Variants in LSAMP observed in about 807,000 individuals in gnomAD.
LSAMP encodes limbic system-associated membrane protein.
A neutral mutation model predicts 38.6 loss-of-function variants in LSAMP; 7 were observed. The ratio of observed to expected loss-of-function variants is 0.18; its 90% confidence interval spans 0.10 to 0.34. LSAMP has a LOEUF of 0.34. Among genes scored for constraint, LSAMP ranks in the 10% least tolerant of loss-of-function variants. The pLI is 1.00. For synonymous variants in LSAMP, 154 were observed against 166.8 expected (o/e 0.92, Z 0.59); for missense variants, 313 against 420.0 (o/e 0.75, Z 2.23).
chr3:116,320,213 G>A (rs1257968004), intron 1 of LSAMP, among the ~76,000 whole-genome samples: 1 of 152,070 alleles, frequency 6.6e-6, no homozygotes, highest in South Asian at 2.1e-4. Flanking sequence ...AGGAGTTCGA[G>A]ACCAGCCTGG....
chr3:116,354,400 C>G (rs1258897605), intron 1 of LSAMP, among the ~76,000 whole-genome samples: 3 of 152,174 alleles, frequency 2.0e-5, no homozygotes, highest in Non-Finnish European at 4.4e-5. Flanking sequence ...GTCATTTCAG[C>G]CTTCACTGTC....
chr3:116,065,993 C>T (rs1707418808), intron 2 of LSAMP, among the ~76,000 whole-genome samples: 1 of 152,160 alleles, frequency 6.6e-6, no homozygotes, highest in Admixed American at 6.5e-5. Context: ...GTGTTTGGAA[C>T]ATACAGTAGT....
At chr3:115,848,389 A>G (rs1193871477) in intron 4 of LSAMP, among the ~76,000 whole-genome samples, 2 of 152,176 alleles carry the variant, frequency 1.3e-5, no homozygotes, top group South Asian at 2.1e-4. Flanking sequence ...GGGCCACCGC[A>G]CTCCAGCCTG....
intron 1 of LSAMP, among the ~76,000 whole-genome samples, chr3:116,427,109 C>CTTTTTTT (rs758726064): frequency 8.4e-5 from 8 of 95,390 alleles, no homozygotes; most frequent in African/African-American, 1.5e-4. Context: ...CTCTTTCTTT[C>CTTTTTTT]TTTTTTTTTT....
intron 1 of LSAMP, among the ~76,000 whole-genome samples, chr3:116,201,187 G>T (rs554746638): frequency 1.3e-5 from 2 of 152,226 alleles, no homozygotes; most frequent in East Asian, 3.9e-4. Context: ...TCATTTGCAT[G>T]CATTGGCTCC....
chr3:116,391,525 G>A (rs2048697568), intron 1 of LSAMP, among the ~76,000 whole-genome samples: 1 of 152,198 alleles, frequency 6.6e-6, no homozygotes, highest in East Asian at 1.9e-4. Context: ...CCACCACAGT[G>A]GGGTTGGGTG....
intron 1 of LSAMP, among the ~76,000 whole-genome samples, chr3:116,297,743 A>G (rs2107701767): frequency 6.6e-6 from 1 of 152,336 alleles, no homozygotes; most frequent in Non-Finnish European, 1.5e-5. Flanking sequence ...ACTTTTCTGT[A>G]CATTGGTTTA....
intron 1 of LSAMP, among the ~76,000 whole-genome samples, chr3:116,354,387 C>A (rs570821537): frequency 6.6e-6 from 1 of 152,276 alleles, no homozygotes; most frequent in East Asian, 1.9e-4. Context: ...TAGTTCAGGC[C>A]TTGTCATTTC....
intron 1 of LSAMP, among the ~76,000 whole-genome samples, chr3:116,384,418 C>G (rs529079425): frequency 7.9e-5 from 12 of 152,248 alleles, no homozygotes; most frequent in Admixed American, 6.5e-4. Context: ...TGGCCTACAT[C>G]TCAGCCCAAT....
intron 1 of LSAMP, among the ~76,000 whole-genome samples, chr3:116,151,018 T>C (rs1351125162): frequency 6.6e-6 from 1 of 152,002 alleles, no homozygotes; most frequent in Non-Finnish European, 1.5e-5. Context: ...GAATCTCAGA[T>C]GAGGGAGGGG....
chr3:115,901,884 TAAA>T (rs995833281), intron 3 of LSAMP, among the ~76,000 whole-genome samples: 1 of 151,820 alleles, frequency 6.6e-6, no homozygotes, highest in African/African-American at 2.4e-5. Flanking sequence ...CATTCAGAAA[TAAA>T]AAAGCAAATA....
chr3:116,344,447 C>T (rs944882752), intron 1 of LSAMP, among the ~76,000 whole-genome samples: 3 of 152,054 alleles, frequency 2.0e-5, no homozygotes, highest in African/African-American at 7.2e-5. Context: ...TAATTGCATG[C>T]AAACTTGCAA....
intron 3 of LSAMP, among the ~76,000 whole-genome samples, chr3:115,989,170 T>C (rs1347237249): frequency 6.6e-6 from 1 of 151,784 alleles, no homozygotes; most frequent in Middle Eastern, 3.2e-3. Context: ...AAAGGAAAAA[T>C]AGAAAAGTGA....
rs2049496778 is a variant in LSAMP at position 116,445,310 on chromosome 3, C to G, written c.-279G>C. ...GCAAATAGCAAGCCCTCTGGAAGAG[C>G]TGAAGAGGAAGCCAAAGGAAAGGGT... On this transcript the variant is annotated 5_prime_UTR_variant, in exon 1 of 7. Transcript: ENST00000490035. The G allele has an allele frequency of 3.5e-6, 2 of 568,474 alleles. No homozygotes were observed. The highest frequency in any genetic ancestry group is 2.9e-5 in the East Asian group (1 of 34,270). 35.2% of individuals were successfully genotyped at this position (568,474 alleles called of 1,614,324 possible). A position where few individuals can be genotyped will look rare whatever the true frequency, so the allele number is the denominator to read the frequency against.
At position 115,956,825 on chromosome 3, in the gene LSAMP, T is replaced by C. The variant is rs573965159; in HGVS notation, c.514+62690A>G. On this transcript the variant is annotated intron_variant, in intron 3 of 6. Transcript: ENST00000490035. ...AGGATTTATTGTATATAACCTAGCATGTTAAGGTGTTCAAGGGTTTCTTGG... is the reference window on the plus strand; with the variant it reads ...AGGATTTATTGTATATAACCTAGCACGTTAAGGTGTTCAAGGGTTTCTTGG... 2.6e-5 allele frequency among the ~76,000 whole-genome samples: 4 copies of C among 152,288 alleles called. No homozygotes were observed. The East Asian group carries it at 7.7e-4, about 29-fold the overall frequency.
intron 3 of LSAMP, among the ~76,000 whole-genome samples, chr3:115,890,595 T>A (rs1936574238): frequency 6.6e-6 from 1 of 151,970 alleles, no homozygotes; most frequent in Non-Finnish European, 1.5e-5. Context: ...CTATCCATTC[T>A]TTCTTCTCTA....
intron 3 of LSAMP, among the ~76,000 whole-genome samples, chr3:115,930,431 C>T (rs576247119): frequency 2.0e-5 from 3 of 152,108 alleles, no homozygotes; most frequent in East Asian, 1.9e-4. Flanking sequence ...AGGTGGCTAA[C>T]GTGGCTAATT....
At chr3:115,874,743 G>A (rs1156698934) in intron 3 of LSAMP, among the ~76,000 whole-genome samples, 2 of 152,048 alleles carry the variant, frequency 1.3e-5, no homozygotes, top group African/African-American at 4.8e-5. Flanking sequence ...ACTCTATTCA[G>A]TGTGAAGCAG....
chr3:116,200,007 A>G (rs1271844229), intron 1 of LSAMP, among the ~76,000 whole-genome samples: 1 of 152,074 alleles, frequency 6.6e-6, no homozygotes, highest in Admixed American at 6.6e-5. Flanking sequence ...ATGTAGAAGG[A>G]GCTGGGAATG....
Sources: gnomAD v4.1 joint callset for allele counts (sites outside exome capture counted in the v4.1 genomes callset) on GRCh38, gnomAD v4.1.1 for gene constraint, MANE v1.5 for transcripts, NCBI Gene and HGNC (gene_info 2026-07-23, HGNC 2026-07-21) for gene names.